CCDC12: variants seen among roughly 807,000 people sequenced by gnomAD.
CCDC12 encodes coiled-coil domain-containing protein 12.
In CCDC12, 28 loss-of-function variants were observed where a neutral mutation model predicts 25.7. The ratio of observed to expected loss-of-function variants is 1.09; its 90% confidence interval spans 0.81 to 1.50. CCDC12 has a LOEUF of 1.50. Ranked by LOEUF, CCDC12 falls within the 40% of genes most tolerant of loss-of-function variation. The probability of loss-of-function intolerance (pLI) is 0.00; values close to 1 mark genes in which losing one functional copy is unlikely to be tolerated. For missense variants in CCDC12, 198 were observed against 210.0 expected (o/e 0.94, Z 0.35); for synonymous variants, 75 against 87.7 (o/e 0.86, Z 0.81).
At chr3:46,963,647 C>A (rs979763827) in intron 1 of CCDC12, among the ~76,000 whole-genome samples, 4 of 151,952 alleles carry the variant, frequency 2.6e-5, no homozygotes, top group Non-Finnish European at 5.9e-5. Flanking sequence ...TGGTGGAGAC[C>A]GGGTTTCGCT....
At chr3:46,955,158 C>T (rs1351825350) in intron 1 of CCDC12, among the ~76,000 whole-genome samples, 2 of 152,192 alleles carry the variant, frequency 1.3e-5, no homozygotes, top group African/African-American at 4.8e-5. Flanking sequence ...CTGTTAGCAT[C>T]GCCACAGCCT....
At chr3:46,975,283 CAAGA>C (rs1444086085) in intron 1 of CCDC12, among the ~76,000 whole-genome samples, 1 of 148,006 alleles carries the variant, frequency 6.8e-6, no homozygotes, top group Non-Finnish European at 1.5e-5. Context: ...CCTCCCAGTT[CAAGA>C]AATCCTCCTG....
intron 1 of CCDC12, among the ~76,000 whole-genome samples, chr3:46,961,205 C>T (rs1156674844): frequency 1.3e-5 from 2 of 151,966 alleles, no homozygotes; most frequent in African/African-American, 4.8e-5. Context: ...GGATAGGTTA[C>T]AGAAAATATT....
At chr3:46,959,594 C>T (rs62246360) in intron 1 of CCDC12, among the ~76,000 whole-genome samples, 5,525 of 152,208 alleles carry the variant, frequency 0.036, 147 homozygotes, top group Non-Finnish European at 0.057. Context: ...CAGTGTCACC[C>T]GGAGGAAGCC....
At chr3:46,953,332 G>A (rs1382396113) in intron 1 of CCDC12, among the ~76,000 whole-genome samples, 3 of 152,032 alleles carry the variant, frequency 2.0e-5, no homozygotes, top group Non-Finnish European at 4.4e-5. Flanking sequence ...ACACACAAAC[G>A]CCAGGGGTAA....
intron 1 of CCDC12, among the ~76,000 whole-genome samples, chr3:46,941,885 T>A (rs911132538): frequency 6.6e-6 from 1 of 152,228 alleles, no homozygotes; most frequent in Non-Finnish European, 1.5e-5. Context: ...AGAAGTAACA[T>A]GAACTAGGAC....
intron 1 of CCDC12, among the ~76,000 whole-genome samples, chr3:46,971,225 C>A (rs1203818820): frequency 6.6e-6 from 1 of 152,264 alleles, no homozygotes; most frequent in Non-Finnish European, 1.5e-5. Flanking sequence ...CATGAAGCTT[C>A]CTCAGGCTCT....
chr3:46,967,434 G>A (rs1275540609), intron 1 of CCDC12, among the ~76,000 whole-genome samples: 1 of 152,002 alleles, frequency 6.6e-6, no homozygotes, highest in South Asian at 2.1e-4. Context: ...ACCTCCCACT[G>A]TTCACTCTAC....
At chr3:46,932,053 T>G (rs1332964256) in intron 2 of CCDC12, among the ~76,000 whole-genome samples, 1 of 151,874 alleles carries the variant, frequency 6.6e-6, no homozygotes, top group Non-Finnish European at 1.5e-5. Flanking sequence ...AGCATGAAAA[T>G]GAGGGGAGAG....
intron 1 of CCDC12, among the ~76,000 whole-genome samples, chr3:46,958,655 G>A (rs564146910): frequency 2.0e-5 from 3 of 152,166 alleles, no homozygotes; most frequent in East Asian, 1.9e-4. Context: ...AATCCCCAAC[G>A]AGAACCCAAG....
intron 2 of CCDC12, among the ~76,000 whole-genome samples, chr3:46,927,649 G>A (rs548241694): frequency 3.2e-4 from 48 of 152,284 alleles, no homozygotes; most frequent in African/African-American, 1.1e-3. Flanking sequence ...TCTAGATCCC[G>A]ACCACCATGG....
In CCDC12 at chr3:46,976,708, C is replaced by G. The variant is rs1391204089; in HGVS notation, c.25G>C (p.Gly9Arg). MEATTAGV[G>R]RLEEEALRRK... is the part of the protein sequence containing the mutation. ...CGCAACGCCTCTTCCTCTAGCCGGC[C>G]CACACCAGCCGTAGTTGCCTCCATC... The change falls in exon 1 of 7, where the codon GGC becomes CGC. Residue 9 changes from glycine (G) to arginine (R), a missense_variant. Gly to Arg is a moderately radical substitution (Grantham distance 125). Transcript: ENST00000683445. The G allele has an allele frequency of 1.0e-5, 16 of 1,603,676 alleles. No homozygotes were observed. The South Asian group carries it at 1.8e-4, about 18-fold the overall frequency.
intron 2 of CCDC12, among the ~76,000 whole-genome samples, chr3:46,936,127 C>T (rs1355642170): frequency 6.6e-6 from 1 of 152,230 alleles, no homozygotes; most frequent in Non-Finnish European, 1.5e-5. Flanking sequence ...TACTTAGCCA[C>T]AAACCCTGGC....
chr3:46,949,019 G>A (rs72905877), intron 1 of CCDC12, among the ~76,000 whole-genome samples: 10,420 of 152,272 alleles, frequency 0.068, 1,195 homozygotes, highest in African/African-American at 0.23. Context: ...AGCAGGGCAG[G>A]GGTTCTTATC....
chr3:46,980,652 C>A (rs950571317), upstream of CCDC12, among the ~76,000 whole-genome samples: 3 of 152,118 alleles, frequency 2.0e-5, no homozygotes, highest in African/African-American at 7.2e-5. Flanking sequence ...CCTGAGCTCC[C>A]CACCCATCTC....
chr3:46,945,935 C>CT lies in CCDC12; in HGVS notation c.97-4871dup, dbSNP rs147553160. 7.5e-3 allele frequency among the ~76,000 whole-genome samples: 1,136 copies of CT among 152,304 alleles called. 16 individuals carry two copies. Among genetic ancestry groups the CT allele is most frequent in the African/African-American group, 0.026 (1,098 of 41,566 alleles). On this transcript the variant is annotated intron_variant, in intron 1 of 6. Coordinates refer to ENST00000683445, the MANE Select transcript of CCDC12 (RefSeq NM_001277074.2). The stretch of plus-strand genomic sequence containing the variant: ...CGTGCCTCCATCTCATCTCCTCAGA[C>CT]TCGGTGTTTCAACAATGGCTTTGCT...
At position 46,940,765 on chromosome 3, in the gene CCDC12, T is replaced by G. The variant is rs113330205; in HGVS notation, c.164+233A>C. On this transcript the variant is annotated intron_variant, in intron 2 of 6. Coordinates refer to ENST00000683445, the MANE Select transcript of CCDC12 (RefSeq NM_001277074.2). ...CATAATGTAAGGGCTAGAAAGAAAA[T>G]GCTGGGGGCTGAGTAACAGCCAAAT... is the stretch of plus-strand genomic sequence containing the variant. 5 of 557,614 alleles carry G rather than the reference T, an allele frequency of 9.0e-6. No homozygotes were observed. The Admixed American group carries it at 1.2e-4, about 13-fold the overall frequency. 34.5% of individuals were successfully genotyped at this position (557,614 alleles called of 1,614,324 possible).
In CCDC12 at chr3:46,923,343, A is replaced by C. The variant is rs765686460; in HGVS notation, c.327T>G (p.Pro109=). The change falls in exon 5 of 7, where the codon CCT becomes CCG. Residue 109 remains proline (P), a synonymous_variant. Coordinates refer to ENST00000683445, the MANE Select transcript of CCDC12 (RefSeq NM_001277074.2). The stretch of plus-strand genomic sequence containing the variant: ...GCAACACTCACCAGTCAGGCTTCCG[A>C]GGAGCGAGGTTGGCCAGGTCCTGGG... ...IEEVDLANLA[P]RKPDWDLKRD... 6.7e-7 allele frequency: 1 copy of C among 1,491,132 alleles called. No homozygotes were observed. Among genetic ancestry groups the C allele is most frequent in the Non-Finnish European group, 8.9e-7 (1 of 1,119,234 alleles). 92.4% of individuals were successfully genotyped at this position (1,491,132 alleles called of 1,614,324 possible).
At chr3:46,979,757 C>T, upstream of CCDC12, 1 of 337,140 alleles carries the variant, frequency 3.0e-6, no homozygotes, top group Non-Finnish European at 5.4e-6. Context: ...CGCTCCGCCC[C>T]GGAGTGACGC....
Sources: gnomAD v4.1 joint callset for allele counts (sites outside exome capture counted in the v4.1 genomes callset) on GRCh38, gnomAD v4.1.1 for gene constraint, MANE v1.5 for transcripts, NCBI Gene and HGNC (gene_info 2026-07-23, HGNC 2026-07-21) for gene names.